Variants in CPEB1 observed in about 807,000 individuals in gnomAD.
CPEB1 encodes the protein cytoplasmic polyadenylation element binding protein 1, also known as cytoplasmic polyadenylation element-binding protein 1.
In CPEB1, 7 loss-of-function variants were observed where a neutral mutation model predicts 65.8. The ratio of observed to expected loss-of-function variants is 0.11; its 90% confidence interval spans 0.06 to 0.20. CPEB1 has a LOEUF of 0.20. CPEB1 is among the 10% of genes least tolerant of loss of function. The probability of loss-of-function intolerance (pLI) is 1.00; values close to 1 mark genes in which losing one functional copy is unlikely to be tolerated. For missense variants in CPEB1, 551 were observed against 712.2 expected (o/e 0.77, Z 2.58); for synonymous variants, 262 against 260.0 (o/e 1.01, Z -0.08).
intron 3 of CPEB1, among the ~76,000 whole-genome samples, chr15:82,612,214 G>A (rs926822539): frequency 6.6e-6 from 1 of 152,020 alleles, no homozygotes; most frequent in African/African-American, 2.4e-5. Context: ...ATAGAAATTT[G>A]AGCCAGGTGC....
intron 3 of CPEB1, among the ~76,000 whole-genome samples, chr15:82,622,876 G>A (rs929884373): frequency 3.3e-5 from 5 of 152,100 alleles, no homozygotes; most frequent in East Asian, 1.9e-4. Context: ...CCTCCTCCAC[G>A]GACGGGGACG....
intron 3 of CPEB1, among the ~76,000 whole-genome samples, chr15:82,587,744 T>C (rs2041914240): frequency 1.3e-5 from 2 of 152,264 alleles, no homozygotes; most frequent in Non-Finnish European, 2.9e-5. Context: ...ATATTTAAAA[T>C]AGTATATTTA....
upstream of CPEB1, chr15:82,647,701 C>A (rs1039737047): frequency 3.6e-6 from 2 of 553,488 alleles, no homozygotes; most frequent in Non-Finnish European, 5.2e-6. Flanking sequence ...CCACGAGGCC[C>A]CACGCCCGCG....
Position 82,546,425 on chromosome 15 carries a change from T to C in CPEB1, c.1656+16A>G, listed in dbSNP as rs764328615. The C allele has an allele frequency of 9.3e-6, 15 of 1,607,748 alleles. No homozygotes were observed. Among genetic ancestry groups the C allele is most frequent in the South Asian group, 6.6e-5 (6 of 90,926 alleles). On this transcript the variant is annotated intron_variant, in intron 12 of 12. Coordinates refer to ENST00000684509, the MANE Select transcript of CPEB1 (RefSeq NM_001365242.1). ...TTTTTAATAGAGGGCAGGGACTTCA[T>C]AGACATCGGACCCACCTGATCTCGA...
chr15:82,620,428 AAG>A (rs750196961), intron 3 of CPEB1, among the ~76,000 whole-genome samples: 2,656 of 151,254 alleles, frequency 0.018, 45 homozygotes, highest in Non-Finnish European at 0.026. Flanking sequence ...CTGTCTCAAA[AAG>A]AAAAAAAAAG....
intron 3 of CPEB1, among the ~76,000 whole-genome samples, chr15:82,618,826 G>A (rs570023329): frequency 5.9e-5 from 9 of 152,140 alleles, no homozygotes; most frequent in Non-Finnish European, 1.3e-4. Context: ...TAAGCAAAGG[G>A]ATATATCAAC....
chr15:82,557,717 G>A, intron 5 of CPEB1, 43 bp downstream of exon 5: 1 of 1,558,196 alleles, frequency 6.4e-7, no homozygotes, highest in African/African-American at 1.4e-5. Context: ...ACACACACAG[G>A]CAACTCCACC....
intron 3 of CPEB1, among the ~76,000 whole-genome samples, chr15:82,591,042 T>C (rs989118617): frequency 2.6e-5 from 4 of 152,228 alleles, no homozygotes; most frequent in Admixed American, 2.0e-4. Flanking sequence ...AGCAATGGGA[T>C]TGCTGGGTTG....
At chr15:82,628,084 T>C in intron 2 of CPEB1, 1 of 640,372 alleles carries the variant, frequency 1.6e-6, no homozygotes, top group Non-Finnish European at 2.8e-6. Context: ...TTGTTAATGC[T>C]GTGGAAGAGA....
chr15:82,612,205 T>C (rs550094368), intron 3 of CPEB1, among the ~76,000 whole-genome samples: 21 of 151,644 alleles, frequency 1.4e-4, no homozygotes, highest in Non-Finnish European at 2.4e-4. Context: ...GAAGACGGAA[T>C]AGAAATTTGA....
intron 1 of CPEB1, among the ~76,000 whole-genome samples, chr15:82,634,903 G>A (rs2046538085): frequency 6.6e-6 from 1 of 152,116 alleles, no homozygotes; most frequent in African/African-American, 2.4e-5. Flanking sequence ...TGTCGCCCAG[G>A]AGTGCAGTGG....
intron 3 of CPEB1, among the ~76,000 whole-genome samples, chr15:82,581,288 A>G (rs2041258757): frequency 6.6e-6 from 1 of 152,114 alleles, no homozygotes; most frequent in Admixed American, 6.5e-5. Context: ...TCCTTTTTAA[A>G]GCTCCTAATT....
At chr15:82,602,537 C>A (rs2151199048) in intron 3 of CPEB1, among the ~76,000 whole-genome samples, 1 of 152,200 alleles carries the variant, frequency 6.6e-6, no homozygotes, top group African/African-American at 2.4e-5. Context: ...CAAGATCCTG[C>A]ATCCAGAAAT....
chr15:82,574,978 C>T (rs1479439968), intron 3 of CPEB1, among the ~76,000 whole-genome samples: 1 of 152,110 alleles, frequency 6.6e-6, no homozygotes, highest in Non-Finnish European at 1.5e-5. Flanking sequence ...CACTAGCCTA[C>T]AGTAGGGCAA....
intron 9 of CPEB1, among the ~76,000 whole-genome samples, chr15:82,550,961 A>G (rs777427957): frequency 6.6e-6 from 1 of 152,136 alleles, no homozygotes; most frequent in Non-Finnish European, 1.5e-5. Context: ...CTACAGGGGC[A>G]CTGAGGAGGA....
intron 6 of CPEB1, among the ~76,000 whole-genome samples, chr15:82,554,562 G>C (rs982294646): frequency 1.3e-5 from 2 of 152,142 alleles, no homozygotes; most frequent in African/African-American, 4.8e-5. Context: ...CATCTTTATA[G>C]CACCCAAATA....
chr15:82,616,988 A>G (rs1000179107), intron 3 of CPEB1, among the ~76,000 whole-genome samples: 12 of 152,176 alleles, frequency 7.9e-5, no homozygotes, highest in African/African-American at 2.7e-4. Context: ...CCAAAAGTTT[A>G]TTTATTTCAT....
chr15:82,553,860 G>T lies in CPEB1; in HGVS notation c.1054+18C>A, dbSNP rs1464213434. ...CCCCACCCTTCAACTCTTAAAGCAG[G>T]TCTTAGAGACAGCTCACCTTCTGTA... On this transcript the variant is annotated intron_variant, in intron 7 of 12. Coordinates refer to ENST00000684509, the MANE Select transcript of CPEB1 (RefSeq NM_001365242.1). 1.3e-6 allele frequency: 2 copies of T among 1,517,016 alleles called. No homozygotes were observed. The highest frequency in any genetic ancestry group is 1.4e-5 in the African/African-American group (1 of 72,952). 94.0% of individuals were successfully genotyped at this position (1,517,016 alleles called of 1,614,324 possible).
intron 3 of CPEB1, among the ~76,000 whole-genome samples, chr15:82,582,737 C>CTTTTTT (rs11300517): frequency 2.3e-5 from 2 of 87,400 alleles, no homozygotes; most frequent in Non-Finnish European, 4.3e-5. Context: ...ACTAGGAGTT[C>CTTTTTT]TTTTTTTTTT....
Sources: gnomAD v4.1 joint callset for allele counts (sites outside exome capture counted in the v4.1 genomes callset) on GRCh38, gnomAD v4.1.1 for gene constraint, MANE v1.5 for transcripts, NCBI Gene and HGNC (gene_info 2026-07-23, HGNC 2026-07-21) for gene names.